CCND3: variants seen among roughly 807,000 people sequenced by gnomAD.
CCND3 encodes the protein G1/S-specific cyclin-D3.
CCND3 carries 9 observed loss-of-function variants against 28.7 expected under a neutral mutation model. The observed-to-expected ratio is 0.31, with a 90% confidence interval of 0.19 to 0.55. The LOEUF is 0.55. CCND3 is among the 20% of genes least tolerant of loss of function. The pLI is 0.93. For synonymous variants in CCND3, 164 were observed against 163.9 expected, an observed-to-expected ratio of 1.00 and a Z score of 0.00; for missense variants, 315 against 385.8, an observed-to-expected ratio of 0.82 and a Z score of 1.54.
intron 1 of CCND3, among the ~76,000 whole-genome samples, chr6:42,028,973 T>TTTTG: frequency 7.3e-6 from 1 of 136,560 alleles, no homozygotes; most frequent in African/African-American, 2.8e-5. Context: ...TTGAAACGGT[T>TTTTG]TTTTTTTTTT....
At chr6:42,003,382 G>A (rs1205230994) in intron 1 of CCND3, among the ~76,000 whole-genome samples, 7 of 150,910 alleles carry the variant, frequency 4.6e-5, no homozygotes, top group South Asian at 4.2e-4. Context: ...AAAATTAGCC[G>A]AGTGTGGTGG....
intron 1 of CCND3, among the ~76,000 whole-genome samples, chr6:41,950,313 G>A (rs1196827923): frequency 6.6e-6 from 1 of 151,960 alleles, no homozygotes; most frequent in Admixed American, 6.6e-5. Context: ...TCGGTTCTTG[G>A]CTGGCAAGCA....
At chr6:42,039,936 C>T (rs766950703) in intron 1 of CCND3, among the ~76,000 whole-genome samples, 8 of 152,244 alleles carry the variant, frequency 5.3e-5, no homozygotes, top group Non-Finnish European at 1.2e-4. Flanking sequence ...TTCGTGTCAA[C>T]ACCATCACAT....
chr6:42,047,672 T>G (rs780113080), intron 1 of CCND3, among the ~76,000 whole-genome samples: 48 of 152,300 alleles, frequency 3.2e-4, no homozygotes, highest in Admixed American at 2.0e-4. Context: ...CCCTTGATGG[T>G]TAGACAGTGG....
At chr6:41,972,227 CAA>C (rs56250051) in intron 1 of CCND3, among the ~76,000 whole-genome samples, 19 of 113,038 alleles carry the variant, frequency 1.7e-4, no homozygotes, top group African/African-American at 5.0e-4. Flanking sequence ...GACTCCATCT[CAA>C]AAAAAAAAAA....
chr6:42,011,508 A>T lies in CCND3; in HGVS notation c.-46+36993T>A, dbSNP rs1011711615. Among the ~76,000 whole-genome samples the T allele has an allele frequency of 8.3e-4, 127 of 152,144 alleles. 2 individuals carry two copies. The highest frequency in any genetic ancestry group is 1.4e-3 in the Non-Finnish European group (95 of 68,028). ...GAGGTCTGGAGTGGGGTCCGGGATT[A>T]TGTATTTTTGACACAGTCTGCAGGA... On this transcript the variant is annotated intron_variant, in intron 1 of 4. Coordinates refer to the CCND3 transcript ENST00000372988.
chr6:41,989,634 T>C (rs1007299024), intron 1 of CCND3, among the ~76,000 whole-genome samples: 1 of 152,092 alleles, frequency 6.6e-6, no homozygotes, highest in African/African-American at 2.4e-5. Flanking sequence ...GATGTACCAC[T>C]ATGCACCTAT....
intron 1 of CCND3, among the ~76,000 whole-genome samples, chr6:41,955,771 G>T (rs1266701444): frequency 6.6e-6 from 1 of 151,646 alleles, no homozygotes; most frequent in Non-Finnish European, 1.5e-5. Flanking sequence ...GTAAGACCCT[G>T]TCTCTACAAA....
chr6:42,002,693 A>C lies in CCND3; in HGVS notation c.-46+45808T>G, dbSNP rs1230795711. On this transcript the variant is annotated intron_variant, in intron 1 of 4. Coordinates refer to the CCND3 transcript ENST00000372988. ...TGGTGAAATACCATGTCTACTAAAA[A>C]AATACAAAAAATTAGCCTGGTGTGG... Among the ~76,000 whole-genome samples, 3 of 152,024 alleles carry C rather than the reference A, an allele frequency of 2.0e-5. No individual in the cohort carries two copies. In the South Asian group the frequency reaches 6.2e-4, roughly 32 times the overall value.
chr6:41,953,074 C>A (rs1373214712), intron 1 of CCND3, among the ~76,000 whole-genome samples: 1 of 152,038 alleles, frequency 6.6e-6, no homozygotes, highest in Non-Finnish European at 1.5e-5. Flanking sequence ...GAGTTTAAGA[C>A]CAGCCTGGCC....
At chr6:41,947,155 A>C (rs146223726) in intron 1 of CCND3, among the ~76,000 whole-genome samples, 10 of 151,860 alleles carry the variant, frequency 6.6e-5, no homozygotes, top group Non-Finnish European at 1.5e-4. Flanking sequence ...CACCAGGTAG[A>C]GGTTGCAGTG....
chr6:41,948,233 T>C (rs779748806), intron 1 of CCND3, among the ~76,000 whole-genome samples: 3 of 152,182 alleles, frequency 2.0e-5, no homozygotes, highest in Non-Finnish European at 4.4e-5. Flanking sequence ...GTATAGCATA[T>C]ACTTTGCTTG....
chr6:41,985,194 A>G (rs1461187850), intron 1 of CCND3, among the ~76,000 whole-genome samples: 1 of 150,962 alleles, frequency 6.6e-6, no homozygotes, highest in Non-Finnish European at 1.5e-5. Context: ...TGCCTGTCCT[A>G]TGTCATTATG....
At chr6:42,004,094 A>ATG (rs1226352582) in intron 1 of CCND3, among the ~76,000 whole-genome samples, 2 of 130,640 alleles carry the variant, frequency 1.5e-5, no homozygotes, top group Non-Finnish European at 3.2e-5. Context: ...GTGTGTATGT[A>ATG]TTTTTTTTTT....
Position 41,939,108 on chromosome 6 carries a change from G to C in CCND3, c.414+1262C>G, listed in dbSNP as rs763643158. On this transcript the variant is annotated intron_variant, in intron 2 of 4. Coordinates refer to ENST00000372991, the MANE Select transcript of CCND3 (RefSeq NM_001760.5). The surrounding 1 kb of genome is among the most constrained non-coding windows in gnomAD (Gnocchi z 4.2). Reference sequence around the variant, plus strand: ...GGAAACTAGCTCCACCTTCAGACTTGCCAAAAACTACCAGATTCATCACAA... The same window carrying C: ...GGAAACTAGCTCCACCTTCAGACTTCCCAAAAACTACCAGATTCATCACAA... Among the ~76,000 whole-genome samples the C allele has an allele frequency of 2.6e-5, 4 of 152,096 alleles. No individual in the cohort carries two copies. The highest frequency in any genetic ancestry group is 5.9e-5 in the Non-Finnish European group (4 of 68,008).
At chr6:41,991,551 A>G (rs1356194255) in intron 1 of CCND3, among the ~76,000 whole-genome samples, 1 of 152,226 alleles carries the variant, frequency 6.6e-6, no homozygotes, top group African/African-American at 2.4e-5. Context: ...GATCAGAGTA[A>G]TTAGCATATC....
chr6:41,969,289 G>A (rs1028100121), intron 1 of CCND3, among the ~76,000 whole-genome samples: 4 of 151,924 alleles, frequency 2.6e-5, no homozygotes, highest in East Asian at 2.0e-4. Context: ...CCAGGCGGGC[G>A]GATCACGAGG....
At chr6:41,990,826 G>A (rs1021423312) in intron 1 of CCND3, among the ~76,000 whole-genome samples, 2 of 151,316 alleles carry the variant, frequency 1.3e-5, no homozygotes, top group African/African-American at 2.4e-5. Context: ...GACTACAGGC[G>A]CCTGACACCA....
chr6:41,962,092 CCAAG>C (rs1171173208), intron 1 of CCND3, among the ~76,000 whole-genome samples: 6 of 152,238 alleles, frequency 3.9e-5, no homozygotes, highest in Middle Eastern at 6.8e-3. Flanking sequence ...CCACAACTGC[CCAAG>C]CAGTCTTTCT....
Sources: gnomAD v4.1 joint callset for allele counts (sites outside exome capture counted in the v4.1 genomes callset) on GRCh38, gnomAD v4.1.1 for gene constraint, Gnocchi (gnomAD v3.1) non-coding constraint, MANE v1.5 for transcripts, NCBI Gene and HGNC (gene_info 2026-07-23, HGNC 2026-07-21) for gene names.